The following DAGLB variants were observed in gnomAD, a reference collection of about 807,000 sequenced individuals.
DAGLB encodes the protein diacylglycerol lipase-beta.
Under a neutral mutation model 72.1 loss-of-function variants are expected in DAGLB, and 66 were observed. That is an observed-to-expected ratio of 0.92 (90% CI 0.75 to 1.12). The LOEUF is 1.12. Among genes scored for constraint, DAGLB ranks in the 50% most tolerant of loss-of-function variants. DAGLB has a pLI of 0.00. For synonymous variants in DAGLB, 414 were observed against 359.5 expected, an observed-to-expected ratio of 1.15 and a Z score of -1.71; for missense variants, 1,065 against 884.9, an observed-to-expected ratio of 1.20 and a Z score of -2.58.
At chr7:6,437,262 C>G (rs1784695205) in intron 2 of DAGLB, among the ~76,000 whole-genome samples, 2 of 151,954 alleles carry the variant, frequency 1.3e-5, no homozygotes, top group East Asian at 3.9e-4. Flanking sequence ...TATGGTCACC[C>G]AAGTTCTAAC....
chr7:6,422,262 T>C (rs1017410891), intron 8 of DAGLB: 55 of 296,458 alleles, frequency 1.9e-4, no homozygotes, highest in African/African-American at 1.1e-3. Context: ...CAGGGGCAGC[T>C]CCCTGGAGGA....
At chr7:6,446,558 G>A (rs1785011708) in intron 1 of DAGLB, among the ~76,000 whole-genome samples, 1 of 147,694 alleles carries the variant, frequency 6.8e-6, no homozygotes, top group Non-Finnish European at 1.5e-5. Context: ...GGTTCACTTT[G>A]GAATATAATT....
In DAGLB at chr7:6,436,421, T is replaced by G; in HGVS notation, c.360A>C (p.Ala120=). ...VWASLGAAWV[A]DGVQCDRTVV... ...CTGTCCTGTCGCACTGAACACCATC[T>G]GCCACCCAGGCAGCCCCCAGAGAGG... The change falls in exon 3 of 15, where the codon GCA becomes GCC. Residue 120 remains alanine (A), a synonymous_variant. Coordinates refer to ENST00000297056, the MANE Select transcript of DAGLB (RefSeq NM_139179.4). The G allele has an allele frequency of 1.2e-6, 2 of 1,614,086 alleles. No homozygotes were observed. The highest frequency in any genetic ancestry group is 1.1e-5 in the South Asian group (1 of 91,072).
At chr7:6,436,986 C>T (rs1256577489) in intron 2 of DAGLB, among the ~76,000 whole-genome samples, 2 of 151,674 alleles carry the variant, frequency 1.3e-5, no homozygotes, top group Non-Finnish European at 2.9e-5. Flanking sequence ...CTCATCTCTA[C>T]TAAAAATTAA....
intron 3 of DAGLB, among the ~76,000 whole-genome samples, 179 bp from the exon 4 acceptor site, chr7:6,435,199 C>T (rs560423072): frequency 1.9e-4 from 29 of 152,244 alleles, no homozygotes; most frequent in African/African-American, 7.0e-4. Flanking sequence ...TAGAAAGTTC[C>T]TTATGAGGCT....
At chr7:6,410,957 T>G (rs1259724433) in intron 13 of DAGLB, among the ~76,000 whole-genome samples, 2 of 146,642 alleles carry the variant, frequency 1.4e-5, no homozygotes, top group Non-Finnish European at 3.0e-5. Flanking sequence ...CAATCTTGGC[T>G]CTCTGCAAGC....
At chr7:6,447,269 T>G (rs970703262) in intron 1 of DAGLB, among the ~76,000 whole-genome samples, 2 of 152,232 alleles carry the variant, frequency 1.3e-5, no homozygotes, top group African/African-American at 2.4e-5. Context: ...TGAGCCTGTC[T>G]GCTTCTCACG....
At chr7:6,427,838 T>A (rs754310058) in intron 6 of DAGLB, among the ~76,000 whole-genome samples, 20 of 152,280 alleles carry the variant, frequency 1.3e-4, no homozygotes, top group Non-Finnish European at 2.8e-4. Context: ...TGGGGTCATA[T>A]GAAAAGAACA....
In DAGLB at chr7:6,419,303, CA is replaced by C. The variant is rs569919099; in HGVS notation, c.1219-2383del. On this transcript the variant is annotated intron_variant, in intron 9 of 14. Transcript: ENST00000297056. ...GAGCCACTGCACCCGGCCCTGACAG[CA>C]CTTCTTAACAAATTACCAGATGCCC... Among the ~76,000 whole-genome samples, 262 of 152,178 alleles carry C rather than the reference CA, an allele frequency of 1.7e-3. 1 individual carries two copies. Among genetic ancestry groups the C allele is most frequent in the African/African-American group, 5.9e-3 (247 of 41,520 alleles).
chr7:6,424,685 C>G, intron 8 of DAGLB, 67 bp downstream of exon 8: 2 of 1,487,812 alleles, frequency 1.3e-6, no homozygotes, highest in African/African-American at 2.8e-5. Context: ...ATTTCCCCAG[C>G]CGAGCAGCTG....
At chr7:6,443,324 G>A (rs944611042) in intron 2 of DAGLB, among the ~76,000 whole-genome samples, 2 of 149,334 alleles carry the variant, frequency 1.3e-5, no homozygotes, top group African/African-American at 2.5e-5. Context: ...GTGGTGGCAC[G>A]TGCCTGTAAT....
chr7:6,413,698 C>T lies in DAGLB; in HGVS notation c.1428-664G>A, dbSNP rs144305348. ...GGCAGAGGCAACAGGCGATTCACTGCGGCAGAACCTGCACCGGCAGAGGCT... is the reference window on the plus strand; with the variant it reads ...GGCAGAGGCAACAGGCGATTCACTGTGGCAGAACCTGCACCGGCAGAGGCT... On this transcript the variant is annotated intron_variant, in intron 11 of 14. Coordinates refer to ENST00000297056, the MANE Select transcript of DAGLB (RefSeq NM_139179.4). 3.3e-3 allele frequency among the ~76,000 whole-genome samples: 496 copies of T among 152,150 alleles called. 3 individuals are homozygous for T. The highest frequency in any genetic ancestry group is 0.011 in the African/African-American group (469 of 41,504).
At position 6,409,672 on chromosome 7, in the gene DAGLB, C is replaced by T. The variant is rs1192840954; in HGVS notation, c.*165G>A. On this transcript the variant is annotated 3_prime_UTR_variant, in exon 15 of 15. Coordinates refer to ENST00000297056, the MANE Select transcript of DAGLB (RefSeq NM_139179.4). ...TCTGCTACCATTATGGCCACAATGA[C>T]TTCCCATAAACTTAAGTCATTGAGA... 1.2e-5 allele frequency: 10 copies of T among 833,248 alleles called. No homozygotes were observed. The South Asian group carries it at 1.6e-4, about 14-fold the overall frequency. The allele number at this position is 833,248 out of a possible 1,614,324, so 51.6% of individuals were successfully genotyped here.
At chr7:6,419,677 C>T (rs893654029) in intron 9 of DAGLB, among the ~76,000 whole-genome samples, 2 of 152,214 alleles carry the variant, frequency 1.3e-5, no homozygotes, top group Admixed American at 6.5e-5. Context: ...AGCCAAGCCG[C>T]GGATCCTCAG....
At chr7:6,423,612 AGG>A (rs1233057092) in intron 8 of DAGLB, among the ~76,000 whole-genome samples, 1 of 144,544 alleles carries the variant, frequency 6.9e-6, no homozygotes, top group Admixed American at 7.0e-5. Context: ...TTTCTGAGAC[AGG>A]GTCTCACTCT....
chr7:6,409,892 C>A lies in DAGLB; in HGVS notation c.1964G>T (p.Arg655Ile), dbSNP rs749309835. The A allele has an allele frequency of 6.2e-7, 1 of 1,613,994 alleles. No homozygotes were observed. The highest frequency in any genetic ancestry group is 1.7e-5 in the Admixed American group (1 of 60,004). ...MRALDSVVSD[R>I]AACVSCPAQG... ...TGCTGGACAGGAGACGCAGGCCGCT[C>A]TGTCGGAGACCACGCTGTCCAAGGC... is the stretch of plus-strand genomic sequence containing the variant. The change falls in exon 15 of 15, where the codon AGA (arginine) becomes ATA (isoleucine). Residue 655 changes from arginine to isoleucine, a missense_variant. By Grantham distance (97) the Arg-to-Ile change is moderately conservative (BLOSUM62 -3). Coordinates refer to ENST00000297056, the MANE Select transcript of DAGLB (RefSeq NM_139179.4).
intron 2 of DAGLB, 146 bp downstream of exon 2, chr7:6,445,807 G>T: frequency 1.1e-6 from 1 of 899,468 alleles, no homozygotes; most frequent in African/African-American, 1.7e-5. Flanking sequence ...GTATAAACTT[G>T]ATGATGGTGA....
intron 9 of DAGLB, chr7:6,417,127 G>A (rs1283109844): frequency 6.8e-6 from 4 of 586,126 alleles, no homozygotes; most frequent in Non-Finnish European, 1.2e-5. Context: ...CAGGTGTGGT[G>A]GCGCACGCTT....
Position 6,413,086 on chromosome 7 carries a change from A to T in DAGLB, c.1428-52T>A, listed in dbSNP as rs1583279151. On this transcript the variant is annotated intron_variant, in intron 11 of 14. Transcript: ENST00000297056. Reference sequence around the variant, plus strand: ...TTAGCTTTACGATGACACTGCCCACAAGGGCTTCCATGAAAGAAATCAGTA... The same window carrying T: ...TTAGCTTTACGATGACACTGCCCACTAGGGCTTCCATGAAAGAAATCAGTA... 1.9e-6 allele frequency: 3 copies of T among 1,573,502 alleles called. No individual in the cohort carries two copies. In the East Asian group the frequency reaches 6.8e-5, roughly 36 times the overall value.
Sources: gnomAD v4.1 joint callset for allele counts (sites outside exome capture counted in the v4.1 genomes callset) on GRCh38, gnomAD v4.1.1 for gene constraint, MANE v1.5 for transcripts, NCBI Gene and HGNC (gene_info 2026-07-23, HGNC 2026-07-21) for gene names.